PLEKHS1: variants seen among roughly 807,000 people sequenced by gnomAD.
PLEKHS1 encodes the protein pleckstrin homology domain-containing family S member 1.
Under a neutral mutation model 51.0 loss-of-function variants are expected in PLEKHS1, and 55 were observed. That is an observed-to-expected ratio of 1.08 (90% CI 0.87 to 1.35). The LOEUF is 1.35. Ranked by LOEUF, PLEKHS1 falls within the 40% of genes most tolerant of loss-of-function variation. PLEKHS1 has a pLI of 0.00. For synonymous variants in PLEKHS1, 153 were observed against 144.8 expected (o/e 1.06, Z -0.41); for missense variants, 398 against 423.0 (o/e 0.94, Z 0.52).
intron 7 of PLEKHS1, 68 bp from the exon 8 acceptor site, chr10:113,771,902 A>G (rs938238280): frequency 1.7e-5 from 26 of 1,536,980 alleles, no homozygotes; most frequent in East Asian, 2.3e-5. Flanking sequence ...CGGCTTTTCT[A>G]GAATGCATGT....
intron 5 of PLEKHS1, among the ~76,000 whole-genome samples, chr10:113,768,294 G>T (rs1286831336): frequency 1.3e-5 from 2 of 152,122 alleles, no homozygotes; most frequent in Non-Finnish European, 2.9e-5. Flanking sequence ...AAGCGGGTGT[G>T]GGAGAGACTG....
chr10:113,779,849 T>C (rs1244723087), intron 11 of PLEKHS1, among the ~76,000 whole-genome samples: 1 of 152,210 alleles, frequency 6.6e-6, no homozygotes, highest in Non-Finnish European at 1.5e-5. Flanking sequence ...CTACATGCTA[T>C]TGAGAAATAT....
chr10:113,777,615 G>T, intron 11 of PLEKHS1: 1 of 1,544,710 alleles, frequency 6.5e-7, no homozygotes, highest in Non-Finnish European at 8.8e-7. Context: ...ACTAATGATG[G>T]TGCTGGTTGT....
chr10:113,775,240 G>C (rs775090430), intron 10 of PLEKHS1, among the ~76,000 whole-genome samples: 1 of 151,974 alleles, frequency 6.6e-6, no homozygotes, highest in East Asian at 1.9e-4. Flanking sequence ...TTCCTGGGGC[G>C]GGGGGTGGCA....
exon 7 of PLEKHS1, chr10:113,769,809 G>T (rs1844322127): frequency 6.2e-7 from 1 of 1,613,686 alleles, no homozygotes; most frequent in Admixed American, 1.7e-5. Context: ...GGTAATAAAA[G>T]AACCCTCTTC....
In PLEKHS1 at chr10:113,762,365, C is replaced by CTTTTTTTTTTTTTTTTTTTTTTTT. The variant is rs34457408; in HGVS notation, c.29-4025_29-4024insTTTTTTTTTTTTTTTTTTTTTTTT. ...TCCTCTATTGACTTTAGATTTGTTC[C>CTTTTTTTTTTTTTTTTTTTTTTTT]TTTTTTTTTTTTTTTTTTTTTCAGT... On this transcript the variant is annotated intron_variant, in intron 2 of 11. Coordinates refer to ENST00000361048, the Ensembl canonical transcript of PLEKHS1. 1.8e-3 allele frequency among the ~76,000 whole-genome samples: 113 copies of CTTTTTTTTTTTTTTTTTTTTTTTT among 61,796 alleles called. 1 individual carries two copies. Among genetic ancestry groups the CTTTTTTTTTTTTTTTTTTTTTTTT allele is most frequent in the East Asian group, 3.0e-3 (6 of 1,982 alleles). The allele number at this position is 61,796 out of a possible 152,430, so 40.5% of individuals were successfully genotyped here. A position where few individuals can be genotyped will look rare whatever the true frequency, so the allele number is the denominator to read the frequency against.
At chr10:113,754,801 TC>T (rs1345987288) in intron 1 of PLEKHS1, among the ~76,000 whole-genome samples, 2 of 152,130 alleles carry the variant, frequency 1.3e-5, no homozygotes, top group Non-Finnish European at 2.9e-5. Context: ...TTCTTAAGTT[TC>T]CCCTGGAGAA....
chr10:113,777,230 C>T (rs926134800), intron 11 of PLEKHS1: 5 of 1,612,836 alleles, frequency 3.1e-6, no homozygotes, highest in Non-Finnish European at 4.2e-6. Flanking sequence ...GGAGGTCTCC[C>T]TGTTTCTTAC....
intron 6 of PLEKHS1, among the ~76,000 whole-genome samples, chr10:113,769,540 AG>A (rs928614483): frequency 3.9e-5 from 6 of 152,182 alleles, no homozygotes; most frequent in Non-Finnish European, 8.8e-5. Flanking sequence ...GACACAGTTG[AG>A]GAGACAAGTT....
intron 3 of PLEKHS1, 36 bp from the exon 4 acceptor site, chr10:113,766,576 G>A (rs753602913): frequency 6.3e-7 from 1 of 1,591,348 alleles, no homozygotes; most frequent in Non-Finnish European, 8.6e-7. Flanking sequence ...TTTCCTCTGA[G>A]ATTTAACTAA....
At position 113,764,508 on chromosome 10, in the gene PLEKHS1, G is replaced by T. The variant is rs149799913; in HGVS notation, c.29-1903G>T. On this transcript the variant is annotated intron_variant, in intron 2 of 11. Coordinates refer to ENST00000361048, the Ensembl canonical transcript of PLEKHS1. ...ATGCAATAGGTCTTTTCTTCCTCTG[G>T]CTACTTTTAAGATTTGTTTTCTTTA... is the stretch of plus-strand genomic sequence containing the variant. 1.4e-3 allele frequency among the ~76,000 whole-genome samples: 214 copies of T among 151,866 alleles called. 1 individual carries two copies. The highest frequency in any genetic ancestry group is 2.0e-3 in the Non-Finnish European group (137 of 67,938).
rs767489183 is a variant in PLEKHS1 at position 113,777,493 on chromosome 10, A to G, written c.1091+1627A>G. 5.7e-6 allele frequency: 9 copies of G among 1,579,340 alleles called. No individual in the cohort carries two copies. In the African/African-American group the frequency reaches 1.1e-4, roughly 19 times the overall value. On this transcript the variant is annotated intron_variant, in intron 11 of 11. Transcript: ENST00000361048. Reference sequence around the variant, plus strand: ...ACAGAGCACCTGGGTTCAGGACCTCAGATCGGCATGATGTAGCAAAAAGAG... The same window carrying G: ...ACAGAGCACCTGGGTTCAGGACCTCGGATCGGCATGATGTAGCAAAAAGAG...
intron 2 of PLEKHS1, chr10:113,765,201 G>A (rs1844106898): frequency 2.0e-6 from 1 of 494,412 alleles, no homozygotes; most frequent in Non-Finnish European, 3.7e-6. Context: ...TTTGTTCTGG[G>A]ATACAGTTAA....
intron 11 of PLEKHS1, 59 bp downstream of exon 11, chr10:113,775,925 C>A (rs1844632050): frequency 2.3e-6 from 3 of 1,283,680 alleles, no homozygotes; most frequent in African/African-American, 1.5e-5. Context: ...TTGAAGAGAA[C>A]AATTACATCT....
chr10:113,775,660 G>A lies in PLEKHS1; in HGVS notation c.990-105G>A, dbSNP rs946457609. On this transcript the variant is annotated intron_variant, in intron 10 of 11. Transcript: ENST00000361048. The stretch of plus-strand genomic sequence containing the variant: ...CAAATGTTTTGAACAACCTTTACCT[G>A]GACAATGTCATCTCAGAAATAGAGG... 1.8e-5 allele frequency: 12 copies of A among 679,014 alleles called. No homozygotes were observed. The African/African-American group carries it at 2.0e-4, about 11-fold the overall frequency. The allele number at this position is 679,014 out of a possible 1,614,324, so 42.1% of individuals were successfully genotyped here.
intron 1 of PLEKHS1, 25 bp downstream of exon 1, chr10:113,751,786 T>C (rs1853853902): frequency 6.6e-6 from 1 of 152,162 alleles, no homozygotes; most frequent in Admixed American, 6.5e-5. Context: ...GTGTATCTGG[T>C]TTGGACTTCC....
intron 1 of PLEKHS1, among the ~76,000 whole-genome samples, chr10:113,755,053 G>A (rs544802175): frequency 2.0e-5 from 3 of 152,332 alleles, no homozygotes; most frequent in Non-Finnish European, 2.9e-5. Flanking sequence ...AGGACAAGCT[G>A]CTTAGATGTG....
chr10:113,774,882 C>T (rs1844575821), exon 10 of PLEKHS1: 2 of 1,614,042 alleles, frequency 1.2e-6, no homozygotes, highest in African/African-American at 2.7e-5. Context: ...GAACCCCAGA[C>T]CCTTCCAGAG....
intron 11 of PLEKHS1, among the ~76,000 whole-genome samples, chr10:113,776,074 G>A (rs959220765): frequency 2.0e-5 from 3 of 152,134 alleles, no homozygotes; most frequent in African/African-American, 7.2e-5. Flanking sequence ...AGGTGAGCAG[G>A]GGGAATAACA....
Sources: allele counts gnomAD v4.1 joint callset (sites outside exome capture counted in the v4.1 genomes callset), GRCh38; gene constraint gnomAD v4.1.1; transcripts MANE v1.5; gene names NCBI Gene and HGNC (gene_info 2026-07-23, HGNC 2026-07-21).